Variants in CEP55 observed in about 807,000 individuals in gnomAD.
CEP55 encodes the protein centrosomal protein of 55 kDa.
Under a neutral mutation model 63.2 loss-of-function variants are expected in CEP55, and 57 were observed. The observed-to-expected ratio is 0.90, with a 90% CI of 0.73 to 1.13. CEP55 has a LOEUF of 1.13. CEP55 is among the 50% of genes most tolerant of loss of function. CEP55 has a pLI of 0.00. For missense variants in CEP55, 456 were observed against 518.9 expected, an observed-to-expected ratio of 0.88 and a Z score of 1.18; for synonymous variants, 178 against 191.6, an observed-to-expected ratio of 0.93 and a Z score of 0.59.
chr10:93,520,051 T>C, intron 8 of CEP55: 1 of 515,780 alleles, frequency 1.9e-6, no homozygotes, highest in South Asian at 2.0e-5. Flanking sequence ...CTGGAGGCAC[T>C]AAATAGTGCC....
chr10:93,507,805 C>T (rs527742988), intron 4 of CEP55, among the ~76,000 whole-genome samples: 3 of 150,918 alleles, frequency 2.0e-5, no homozygotes, highest in African/African-American at 4.9e-5. Context: ...CCCACCACCA[C>T]GCCCGGCTAA....
At chr10:93,519,644 G>A (rs1049194644) in intron 7 of CEP55, 38 bp from the exon 8 acceptor site, 2 of 1,608,224 alleles carry the variant, frequency 1.2e-6, no homozygotes, top group Non-Finnish European at 1.7e-6. Flanking sequence ...TAGACAGTCT[G>A]TATCAGCTGT....
intron 3 of CEP55, among the ~76,000 whole-genome samples, chr10:93,506,275 C>G (rs1176144733): frequency 1.3e-5 from 2 of 152,098 alleles, no homozygotes; most frequent in Admixed American, 6.5e-5. Context: ...AAACATGATT[C>G]TAGAAAAAAA....
At chr10:93,502,657 A>T (rs1295801527) in intron 2 of CEP55, among the ~76,000 whole-genome samples, 4 of 152,228 alleles carry the variant, frequency 2.6e-5, no homozygotes, top group Non-Finnish European at 1.5e-5. Context: ...TAATGAATGC[A>T]TCCCTCTCCT....
In CEP55 at chr10:93,516,938, A is replaced by G; in HGVS notation, c.683A>G (p.Tyr228Cys). The change falls in exon 6 of 9, where the codon TAT becomes TGT. Residue 228 changes from tyrosine to cysteine, a missense_variant. Coordinates refer to ENST00000371485, the MANE Select transcript of CEP55 (RefSeq NM_018131.5). Reference protein sequence around the residue: ...QQTKKPESEGYLQEEKQKCYN... With the variant: ...QQTKKPESEGCLQEEKQKCYN... ...GCCGTAATGTTGTTTGTCATAGGTT[A>G]TCTTCAAGAAGAGAAGCAGAAATGT... 1 of 1,573,092 alleles carries G rather than the reference A, an allele frequency of 6.4e-7. No homozygotes were observed. The highest frequency in any genetic ancestry group is 8.6e-7 in the Non-Finnish European group (1 of 1,157,676).
chr10:93,515,403 A>C lies in CEP55; in HGVS notation c.529-2A>C. 2 of 1,583,294 alleles carry C rather than the reference A, an allele frequency of 1.3e-6. No homozygotes were observed. The highest frequency in any genetic ancestry group is 8.6e-7 in the Non-Finnish European group (1 of 1,157,746). On this transcript the variant is annotated splice_acceptor_variant, in intron 4 of 8. Coordinates refer to ENST00000371485, the MANE Select transcript of CEP55 (RefSeq NM_018131.5). LOFTEE classifies it high-confidence loss of function. ...TTGATTTTCTTTCATCTTCCCATTA[A>C]GGCTCTGGAGAAAAATCAGCAGTGG... is the stretch of plus-strand genomic sequence containing the variant.
intron 1 of CEP55, among the ~76,000 whole-genome samples, chr10:93,497,982 C>T (rs921376769): frequency 1.3e-5 from 2 of 151,986 alleles, no homozygotes; most frequent in Admixed American, 6.5e-5. Flanking sequence ...ATTAGCCAGG[C>T]GTGGTGACGC....
chr10:93,506,477 G>C (rs1318874663), intron 3 of CEP55, among the ~76,000 whole-genome samples: 1 of 152,004 alleles, frequency 6.6e-6, no homozygotes, highest in Non-Finnish European at 1.5e-5. Context: ...AGTCTGTTTG[G>C]GAAACTTCAG....
chr10:93,506,372 C>T (rs1280427114), intron 3 of CEP55, among the ~76,000 whole-genome samples: 1 of 152,134 alleles, frequency 6.6e-6, no homozygotes, highest in African/African-American at 2.4e-5. Context: ...TGGTAAAAAT[C>T]ACTGGGCTAT....
At chr10:93,500,008 C>A in intron 1 of CEP55, 32 bp from the exon 2 acceptor site, 2 of 1,439,100 alleles carry the variant, frequency 1.4e-6, no homozygotes, top group South Asian at 2.6e-5. Context: ...TTTTTAAACT[C>A]AGAATTATAC....
At chr10:93,519,158 A>G (rs2134488777) in intron 7 of CEP55, 1 of 496,242 alleles carries the variant, frequency 2.0e-6, no homozygotes, top group Non-Finnish European at 3.6e-6. Context: ...GGCTAAACAG[A>G]TTCTTGAGGT....
In CEP55 at chr10:93,528,095, A is replaced by T; in HGVS notation, c.1337A>T (p.Gln446Leu). The change falls in exon 9 of 9, where the codon CAG (glutamine) becomes CTG (leucine). Residue 446 changes from glutamine (Q) to leucine (L), a missense_variant. By Grantham distance (113) the Gln-to-Leu change is moderately radical. Transcript: ENST00000371485. ...SLVECPKCNI[Q>L]YPATEHRDLL... ...GTGGAATGTCCCAAGTGCAATATAC[A>T]GTATCCAGCCACTGAGCATCGCGAT... The T allele has an allele frequency of 6.2e-7, 1 of 1,614,122 alleles. No individual in the cohort carries two copies. Among genetic ancestry groups the T allele is most frequent in the South Asian group, 1.1e-5 (1 of 91,080 alleles).
At chr10:93,512,536 A>AAAT (rs2057764157) in intron 4 of CEP55, among the ~76,000 whole-genome samples, 2 of 138,990 alleles carry the variant, frequency 1.4e-5, no homozygotes, top group Admixed American at 7.3e-5. Flanking sequence ...AAAAAAAAAA[A>AAAT]ATTTCATGAC....
rs578078000 is a variant in CEP55 at position 93,497,118 on chromosome 10, A to G, written c.-13+195A>G. Among the ~76,000 whole-genome samples the G allele has an allele frequency of 5.8e-4, 88 of 152,202 alleles. 1 individual carries two copies. The South Asian group carries it at 0.01, about 18-fold the overall frequency. ...TGTCTGTCTCCTCAAGTGAGATTTTATGTGGGAATTTTTAAAGATTGGCGT... is the reference window on the plus strand; with the variant it reads ...TGTCTGTCTCCTCAAGTGAGATTTTGTGTGGGAATTTTTAAAGATTGGCGT... On this transcript the variant is annotated intron_variant, in intron 1 of 8. Coordinates refer to ENST00000371485, the MANE Select transcript of CEP55 (RefSeq NM_018131.5).
chr10:93,519,017 GCT>G lies in CEP55; in HGVS notation c.1065+70_1065+71del, dbSNP rs774648834. 1.1e-5 allele frequency: 13 copies of G among 1,169,596 alleles called. No individual in the cohort carries two copies. The African/African-American group carries it at 2.0e-4, about 18-fold the overall frequency. The allele number at this position is 1,169,596 out of a possible 1,614,324, so 72.5% of individuals were successfully genotyped here. A position where few individuals can be genotyped will look rare whatever the true frequency, so the allele number is the denominator to read the frequency against. ...AAATGCAGTTTTTCCTCATGTTTATGCTGTTCTATGGAGAACTGTTTGAAAGT... is the reference window on the plus strand; with the variant it reads ...AAATGCAGTTTTTCCTCATGTTTATGGTTCTATGGAGAACTGTTTGAAAGT... On this transcript the variant is annotated intron_variant, in intron 7 of 8. Coordinates refer to ENST00000371485, the MANE Select transcript of CEP55 (RefSeq NM_018131.5).
Position 93,529,070 on chromosome 10 carries a change from A to G in CEP55, c.*917A>G, listed in dbSNP as rs1358402892. 6.6e-6 allele frequency: 1 copy of G among 152,210 alleles called. No homozygotes were observed. Among genetic ancestry groups the G allele is most frequent in the East Asian group, 1.9e-4 (1 of 5,200 alleles). 9.4% of individuals were successfully genotyped at this position (152,210 alleles called of 1,614,324 possible). On this transcript the variant is annotated 3_prime_UTR_variant, in exon 9 of 9. Transcript: ENST00000371485. Reference sequence around the variant, plus strand: ...ACTGGGCTACTGTAAATGAGAAAAGAATAAAATTATTTAATGTTTTAATAT... The same window carrying G: ...ACTGGGCTACTGTAAATGAGAAAAGGATAAAATTATTTAATGTTTTAATAT...
At chr10:93,500,367 T>C in intron 2 of CEP55, 133 bp downstream of exon 2, 2 of 756,932 alleles carry the variant, frequency 2.6e-6, no homozygotes, top group Non-Finnish European at 4.3e-6. Flanking sequence ...AAGCTGACAT[T>C]GGGTTTAGAA....
intron 3 of CEP55, among the ~76,000 whole-genome samples, chr10:93,504,009 G>A (rs1326847028): frequency 6.6e-6 from 1 of 150,804 alleles, no homozygotes; most frequent in East Asian, 1.9e-4. Flanking sequence ...CTAAACCTGA[G>A]TTTCCACATC....
chr10:93,524,481 C>T (rs1335983833), intron 8 of CEP55, among the ~76,000 whole-genome samples: 15 of 152,052 alleles, frequency 9.9e-5, no homozygotes, highest in Admixed American at 3.3e-4. Flanking sequence ...CAGGACCAGA[C>T]AGATTCACAG....
Sources: allele counts gnomAD v4.1 joint callset (sites outside exome capture counted in the v4.1 genomes callset), GRCh38; gene constraint gnomAD v4.1.1; transcripts MANE v1.5; gene names NCBI Gene and HGNC (gene_info 2026-07-23, HGNC 2026-07-21).